The following FSTL5 variants were observed in gnomAD, a reference collection of about 807,000 sequenced individuals.
FSTL5 encodes the protein follistatin like 5, also known as follistatin-related protein 5.
Under a neutral mutation model 89.1 loss-of-function variants are expected in FSTL5, and 62 were observed. The ratio of observed to expected loss-of-function variants is 0.70; its 90% CI spans 0.57 to 0.86. The LOEUF (loss-of-function observed/expected upper bound fraction) is 0.86. Among genes scored for constraint, FSTL5 ranks in the 40% least tolerant of loss-of-function variants. The pLI, the probability that FSTL5 is intolerant of heterozygous loss-of-function variation, is 0.00. For synonymous variants in FSTL5, 383 were observed against 346.2 expected (o/e 1.11, Z -1.18); for missense variants, 1,057 against 1,001.6 (o/e 1.06, Z -0.75).
intron 7 of FSTL5, among the ~76,000 whole-genome samples, chr4:161,598,854 A>G (rs1418948614): frequency 5.3e-5 from 8 of 152,156 alleles, no homozygotes; most frequent in Admixed American, 5.2e-4. Flanking sequence ...CAGTACATAT[A>G]TGTAAAAGAC....
chr4:161,676,420 G>T (rs974619145), intron 6 of FSTL5, among the ~76,000 whole-genome samples: 3 of 151,954 alleles, frequency 2.0e-5, no homozygotes, highest in African/African-American at 7.2e-5. Context: ...ATCAAACACC[G>T]CATGTTCTCA....
At chr4:161,715,649 T>G (rs1579043268) in intron 6 of FSTL5, among the ~76,000 whole-genome samples, 1 of 152,284 alleles carries the variant, frequency 6.6e-6, no homozygotes, top group East Asian at 1.9e-4. Flanking sequence ...TCCTAACTCC[T>G]ACAACCAAGT....
intron 12 of FSTL5, among the ~76,000 whole-genome samples, chr4:161,487,966 T>C (rs1419186940): frequency 6.6e-6 from 1 of 152,056 alleles, no homozygotes; most frequent in Non-Finnish European, 1.5e-5. Context: ...TTTATCTCTA[T>C]ACACACATGA....
At chr4:161,614,338 G>C (rs762979895) in intron 7 of FSTL5, among the ~76,000 whole-genome samples, 2 of 152,070 alleles carry the variant, frequency 1.3e-5, no homozygotes, top group Non-Finnish European at 2.9e-5. Flanking sequence ...TGAGCTCCTT[G>C]AATCTGTTTC....
chr4:161,577,405 A>C (rs1432922560), intron 8 of FSTL5, among the ~76,000 whole-genome samples: 1 of 146,032 alleles, frequency 6.8e-6, no homozygotes, highest in African/African-American at 2.5e-5. Context: ...ATATGAAATG[A>C]GTGTCATGAA....
chr4:161,892,824 T>C (rs931981166), intron 4 of FSTL5, among the ~76,000 whole-genome samples: 26 of 152,210 alleles, frequency 1.7e-4, no homozygotes, highest in African/African-American at 5.8e-4. Flanking sequence ...ATGTCAGAAA[T>C]TGAATATTTT....
At chr4:161,853,426 C>T (rs1328492104) in intron 4 of FSTL5, among the ~76,000 whole-genome samples, 3 of 152,128 alleles carry the variant, frequency 2.0e-5, no homozygotes, top group African/African-American at 7.2e-5. Flanking sequence ...TGCCACTACA[C>T]CCAGCTAATT....
rs763474813 is a variant in FSTL5, at chr4:162,111,253, T to G, written c.126+18A>C. On this transcript the variant is annotated intron_variant, in intron 2 of 15. Transcript: ENST00000306100. The stretch of plus-strand genomic sequence containing the variant: ...TAATTGGCAGGCACTATGAGCAGAT[T>G]CAGAATATTGACTGTACCTTATGTC... 5.4e-5 allele frequency: 85 copies of G among 1,571,258 alleles called. No homozygotes were observed. Among genetic ancestry groups the G allele is most frequent in the Non-Finnish European group, 6.9e-5 (80 of 1,152,662 alleles).
chr4:161,627,960 A>G (rs928516522), intron 7 of FSTL5, among the ~76,000 whole-genome samples: 2 of 152,174 alleles, frequency 1.3e-5, no homozygotes, highest in African/African-American at 2.4e-5. Flanking sequence ...AATCCAATAC[A>G]CACAAAAGAA....
chr4:161,642,418 T>A (rs1018931694), intron 7 of FSTL5, among the ~76,000 whole-genome samples: 1 of 152,214 alleles, frequency 6.6e-6, no homozygotes, highest in South Asian at 2.1e-4. Flanking sequence ...AAGTACAAAA[T>A]CATGATAACT....
chr4:161,575,581 G>T (rs985616560), intron 8 of FSTL5, among the ~76,000 whole-genome samples: 1 of 151,918 alleles, frequency 6.6e-6, no homozygotes, highest in Non-Finnish European at 1.5e-5. Flanking sequence ...AGCCTCCCTA[G>T]TAGCTGGGAT....
intron 2 of FSTL5, among the ~76,000 whole-genome samples, chr4:162,072,985 CA>C (rs1364259845): frequency 6.6e-6 from 1 of 151,762 alleles, no homozygotes; most frequent in Non-Finnish European, 1.5e-5. Context: ...TGAACTGAGG[CA>C]CTGACTCTTC....
At chr4:162,108,163 G>C (rs1731293160) in intron 2 of FSTL5, among the ~76,000 whole-genome samples, 1 of 152,018 alleles carries the variant, frequency 6.6e-6, no homozygotes, top group African/African-American at 2.4e-5. Flanking sequence ...TCTCTTATCT[G>C]TGGATTATAA....
In FSTL5 at chr4:162,039,231, G is replaced by A. The variant is rs368659658; in HGVS notation, c.127-5573C>T. Among the ~76,000 whole-genome samples, 13 of 151,776 alleles carry A rather than the reference G, an allele frequency of 8.6e-5. No homozygotes were observed. In the East Asian group the frequency reaches 1.4e-3, roughly 16 times the overall value. On this transcript the variant is annotated intron_variant, in intron 2 of 15. Coordinates refer to ENST00000306100, the MANE Select transcript of FSTL5 (RefSeq NM_020116.5). ...ACTTGCTTATATAAAAAAAGAAGTA[G>A]AAGATATCAAGTAGATATAAGGCAA...
intron 7 of FSTL5, among the ~76,000 whole-genome samples, chr4:161,608,676 T>A (rs1490799861): frequency 6.6e-6 from 1 of 152,070 alleles, no homozygotes; most frequent in Admixed American, 6.6e-5. Context: ...TAATTTACAA[T>A]AATGTAAATA....
chr4:161,780,875 A>T (rs1741641253), intron 4 of FSTL5, among the ~76,000 whole-genome samples: 1 of 152,292 alleles, frequency 6.6e-6, no homozygotes, highest in African/African-American at 2.4e-5. Context: ...TTGAAATGAC[A>T]CTTTTATCCT....
At chr4:162,110,167 C>G (rs550889964) in intron 2 of FSTL5, among the ~76,000 whole-genome samples, 2 of 152,038 alleles carry the variant, frequency 1.3e-5, no homozygotes, top group East Asian at 3.9e-4. Context: ...TGTTGACTAT[C>G]GAATCTATCC....
rs150013701 is a variant in FSTL5 at position 161,994,109 on chromosome 4, A to G, written c.160+39516T>C. On this transcript the variant is annotated intron_variant, in intron 3 of 15. Coordinates refer to ENST00000306100, the MANE Select transcript of FSTL5 (RefSeq NM_020116.5). Reference sequence around the variant, plus strand: ...CCTTTCTTTGTGTGAATGAGTTTTCATCATTTAGCTACCACTTATAAGTGA... The same window carrying G: ...CCTTTCTTTGTGTGAATGAGTTTTCGTCATTTAGCTACCACTTATAAGTGA... Among the ~76,000 whole-genome samples, 1,239 of 152,194 alleles carry G rather than the reference A, an allele frequency of 8.1e-3. 17 individuals carry two copies. The highest frequency in any genetic ancestry group is 0.027 in the African/African-American group (1,138 of 41,514).
chr4:161,484,828 C>T (rs147774065), intron 12 of FSTL5, among the ~76,000 whole-genome samples: 96 of 152,140 alleles, frequency 6.3e-4, no homozygotes, highest in African/African-American at 2.1e-3. Flanking sequence ...TAATTTCTGC[C>T]GCATTTAGCT....
Sources: allele counts gnomAD v4.1 joint callset (sites outside exome capture counted in the v4.1 genomes callset), GRCh38; gene constraint gnomAD v4.1.1; transcripts MANE v1.5; gene names NCBI Gene and HGNC (gene_info 2026-07-23, HGNC 2026-07-21).